Variants in SMAD4 observed in about 807,000 individuals in gnomAD.
SMAD4 encodes the protein MAD homolog 4.
In SMAD4, 7 loss-of-function variants were observed where a neutral mutation model predicts 63.2. That is an observed-to-expected ratio of 0.11 (90% CI 0.06 to 0.21). SMAD4 has a LOEUF of 0.21. Ranked by LOEUF, SMAD4 falls within the 10% of genes least tolerant of loss-of-function variation. The probability of loss-of-function intolerance (pLI) is 1.00; values close to 1 mark genes in which losing one functional copy is unlikely to be tolerated. For missense variants in SMAD4, 312 were observed against 693.8 expected, an observed-to-expected ratio of 0.45 and a Z score of 6.18; for synonymous variants, 215 against 235.4, an observed-to-expected ratio of 0.91 and a Z score of 0.79.
intron 7 of SMAD4, among the ~76,000 whole-genome samples, chr18:51,059,135 C>T (rs957271529): frequency 1.6e-4 from 24 of 152,244 alleles, no homozygotes; most frequent in African/African-American, 5.1e-4. Flanking sequence ...GTCATATAAA[C>T]AGGTATATGT....
intron 8 of SMAD4, among the ~76,000 whole-genome samples, chr18:51,063,258 G>GT (rs1261263421): frequency 3.3e-5 from 5 of 151,274 alleles, no homozygotes; most frequent in Admixed American, 6.6e-5. Context: ...TTTTTGTTGT[G>GT]TTTTTTTTGG....
chr18:51,033,823 G>C (rs1306140633), intron 1 of SMAD4, among the ~76,000 whole-genome samples: 3 of 152,098 alleles, frequency 2.0e-5, no homozygotes, highest in Non-Finnish European at 4.4e-5. Flanking sequence ...ATTGGCATCC[G>C]GGAACATTTG....
In SMAD4 at chr18:51,041,270, A is replaced by C. The variant is rs151083259; in HGVS notation, c.-127-5650A>C. ...CTCTTATCCGTCTCTGCTTTTCCTCATCATTTTCCTTCAGCCTGGCAAATT... is the reference window on the plus strand; with the variant it reads ...CTCTTATCCGTCTCTGCTTTTCCTCCTCATTTTCCTTCAGCCTGGCAAATT... On this transcript the variant is annotated intron_variant, in intron 1 of 11. Transcript: ENST00000342988. 1.3e-3 allele frequency among the ~76,000 whole-genome samples: 191 copies of C among 152,246 alleles called. 1 individual carries two copies. The highest frequency in any genetic ancestry group is 2.1e-3 in the Non-Finnish European group (142 of 68,018).
chr18:51,054,143 A>G (rs1269288448), intron 4 of SMAD4: 4 of 153,594 alleles, frequency 2.6e-5, no homozygotes, highest in African/African-American at 9.6e-5. Context: ...CACACCATAT[A>G]TTAATCAAAT....
Position 51,047,038 on chromosome 18 carries a change from C to G in SMAD4, c.-9C>G, listed in dbSNP as rs864622289. ...GACATATTTGATTTAAAAGGAAAAA[C>G]TTGAACAAATGGACAATATGTCTAT... is the stretch of plus-strand genomic sequence containing the variant. On this transcript the variant is annotated 5_prime_UTR_variant, in exon 2 of 12. Coordinates refer to ENST00000342988, the MANE Select transcript of SMAD4 (RefSeq NM_005359.6). 4 of 1,612,602 alleles carry G rather than the reference C, an allele frequency of 2.5e-6. No homozygotes were observed. The highest frequency in any genetic ancestry group is 1.7e-5 in the Admixed American group (1 of 59,954).
At position 51,084,241 on chromosome 18, in the gene SMAD4, A is replaced by T. The variant is rs745472198; in HGVS notation, c.*5774A>T. On this transcript the variant is annotated 3_prime_UTR_variant, in exon 12 of 12. Coordinates refer to ENST00000342988, the MANE Select transcript of SMAD4 (RefSeq NM_005359.6). Reference sequence around the variant, plus strand: ...TTTTTTTTTCAGTGAAAATGGATTGAAAACCTGTTGTTAATGCTTAGTGAT... The same window carrying T: ...TTTTTTTTTCAGTGAAAATGGATTGTAAACCTGTTGTTAATGCTTAGTGAT... The T allele has an allele frequency of 4.3e-6, 1 of 229,892 alleles. No homozygotes were observed. Among genetic ancestry groups the T allele is most frequent in the Non-Finnish European group, 8.6e-6 (1 of 116,032 alleles). 14.2% of individuals were successfully genotyped at this position (229,892 alleles called of 1,614,324 possible). A position where few individuals can be genotyped will look rare whatever the true frequency, so the allele number is the denominator to read the frequency against.
rs1599189743 is a variant in SMAD4, at chr18:51,058,346, C to G, written c.794C>G (p.Thr265Ser). The change falls in exon 7 of 12, where the codon ACT (threonine) becomes AGT (serine). Residue 265 changes from threonine (T) to serine (S), a missense_variant. Transcript: ENST00000342988. ...TGTGGGCCTTAATTTTTAGACAGCA[C>G]TACCACCTGGACTGGAAGTAGGACT... Reference protein sequence around the residue: ...GQPATYHHNSTTTWTGSRTAP... With the variant: ...GQPATYHHNSSTTWTGSRTAP... 1 of 1,614,122 alleles carries G rather than the reference C, an allele frequency of 6.2e-7. No individual in the cohort carries two copies. Among genetic ancestry groups the G allele is most frequent in the African/African-American group, 1.3e-5 (1 of 75,048 alleles).
At chr18:51,050,213 G>A (rs1943435907) in intron 4 of SMAD4, among the ~76,000 whole-genome samples, 1 of 152,056 alleles carries the variant, frequency 6.6e-6, no homozygotes, top group African/African-American at 2.4e-5. Flanking sequence ...TAAAAAATTA[G>A]CCAGGCATGG....
chr18:51,055,218 C>T (rs1470888329), intron 5 of SMAD4, among the ~76,000 whole-genome samples: 1 of 152,130 alleles, frequency 6.6e-6, no homozygotes, highest in Non-Finnish European at 1.5e-5. Flanking sequence ...TTATACTTTA[C>T]TATTACATGT....
chr18:51,044,537 C>T (rs1047462147), intron 1 of SMAD4, among the ~76,000 whole-genome samples: 25 of 152,032 alleles, frequency 1.6e-4, no homozygotes, highest in Non-Finnish European at 1.5e-4. Flanking sequence ...GGACAACAGG[C>T]GTGTGCCACC....
In SMAD4 at chr18:51,030,275, C is replaced by A. The variant is rs886053887; in HGVS notation, c.-476C>A. 1 of 152,818 alleles carries A rather than the reference C, an allele frequency of 6.5e-6. No homozygotes were observed. Among genetic ancestry groups the A allele is most frequent in the Non-Finnish European group, 1.5e-5 (1 of 68,178 alleles). The allele number at this position is 152,818 out of a possible 1,614,324, so 9.5% of individuals were successfully genotyped here. A position where few individuals can be genotyped will look rare whatever the true frequency, so the allele number is the denominator to read the frequency against. On this transcript the variant is annotated 5_prime_UTR_variant, in exon 1 of 12. An upstream open reading frame in the 5' UTR gains an earlier in-frame stop. Coordinates refer to ENST00000342988, the MANE Select transcript of SMAD4 (RefSeq NM_005359.6). The stretch of plus-strand genomic sequence containing the variant: ...ACGGCCCTGGTCGTCGTCGCCGCTG[C>A]GGTAACGGAGCGGTTTGGGTGGCGG...
At chr18:51,058,714 CATTT>C (rs1263755254) in intron 7 of SMAD4, among the ~76,000 whole-genome samples, 9 of 152,022 alleles carry the variant, frequency 5.9e-5, no homozygotes, top group Admixed American at 1.3e-4. Flanking sequence ...GATTTCCATT[CATTT>C]GTTTGTTTGC....
At chr18:51,035,230 G>GT (rs1446404001) in intron 1 of SMAD4, among the ~76,000 whole-genome samples, 1 of 152,136 alleles carries the variant, frequency 6.6e-6, no homozygotes, top group African/African-American at 2.4e-5. Flanking sequence ...CTGTCTGGTA[G>GT]TAAGTTTTAG....
At chr18:51,076,484 C>T (rs1207474258) in intron 10 of SMAD4, among the ~76,000 whole-genome samples, 154 bp from the exon 11 acceptor site, 1 of 152,158 alleles carries the variant, frequency 6.6e-6, no homozygotes, top group African/African-American at 2.4e-5. Context: ...AGTTTTAGAC[C>T]AATCACAATG....
At chr18:51,063,906 A>C (rs893935287) in intron 8 of SMAD4, among the ~76,000 whole-genome samples, 3 of 152,206 alleles carry the variant, frequency 2.0e-5, no homozygotes, top group Non-Finnish European at 4.4e-5. Context: ...TCCAATCTTC[A>C]TGTGATCTGT....
intron 9 of SMAD4, among the ~76,000 whole-genome samples, chr18:51,066,145 A>G (rs1223011625): frequency 2.0e-5 from 3 of 152,082 alleles, no homozygotes; most frequent in Admixed American, 6.5e-5. Context: ...TGAGGTCAGG[A>G]GTTCGAGACC....
chr18:51,040,053 A>C (rs1282775643), intron 1 of SMAD4, among the ~76,000 whole-genome samples: 1 of 152,102 alleles, frequency 6.6e-6, no homozygotes, highest in Non-Finnish European at 1.5e-5. Context: ...CCTGTTGGTA[A>C]ACCTAAGTTT....
At chr18:51,048,971 A>G (rs1339289911) in intron 3 of SMAD4, 111 bp downstream of exon 3, 6 of 925,972 alleles carry the variant, frequency 6.5e-6, no homozygotes, top group Admixed American at 4.1e-5. Flanking sequence ...GCGACTTTAA[A>G]TAAGGTTAAA....
At chr18:51,068,121 A>G (rs897758108) in intron 10 of SMAD4, among the ~76,000 whole-genome samples, 2 of 152,230 alleles carry the variant, frequency 1.3e-5, no homozygotes, top group Non-Finnish European at 1.5e-5. Context: ...ATGTAGCCCC[A>G]TAGCATCCAT....
Sources: gnomAD v4.1 joint callset for allele counts (sites outside exome capture counted in the v4.1 genomes callset) on GRCh38, gnomAD v4.1.1 for gene constraint, MANE v1.5 for transcripts, NCBI Gene and HGNC (gene_info 2026-07-23, HGNC 2026-07-21) for gene names.